The following WWOX variants were observed in gnomAD, a reference collection of about 807,000 sequenced individuals.
WWOX encodes the protein WW domain containing oxidoreductase.
In WWOX, 69 loss-of-function variants were observed where a neutral mutation model predicts 46.2. The ratio of observed to expected loss-of-function variants is 1.49; its 90% CI spans 1.23 to 1.82. WWOX has a LOEUF of 1.82. Among genes scored for constraint, WWOX ranks in the 40% most tolerant of loss-of-function variants. The pLI, the probability that WWOX is intolerant of heterozygous loss-of-function variation, is 0.00. For synonymous variants in WWOX, 359 were observed against 202.6 expected (o/e 1.77, Z -6.56); for missense variants, 919 against 542.6 (o/e 1.69, Z -6.89).
chr16:78,822,172 A>G (rs1192679434), intron 8 of WWOX, among the ~76,000 whole-genome samples: 1 of 151,866 alleles, frequency 6.6e-6, no homozygotes, highest in Non-Finnish European at 1.5e-5. Context: ...CACCATGCCC[A>G]GCCTTAAATA....
At chr16:78,587,724 C>T (rs2045249738) in intron 8 of WWOX, among the ~76,000 whole-genome samples, 1 of 152,038 alleles carries the variant, frequency 6.6e-6, no homozygotes, top group African/African-American at 2.4e-5. Flanking sequence ...CTTCACCTTG[C>T]TTTTTGTGGA....
chr16:78,889,902 A>T (rs2044550840), intron 8 of WWOX, among the ~76,000 whole-genome samples: 1 of 152,146 alleles, frequency 6.6e-6, no homozygotes, highest in African/African-American at 2.4e-5. Context: ...GTAAACTCCC[A>T]CTGTTTATAA....
At chr16:78,754,339 G>C (rs145744833) in intron 8 of WWOX, among the ~76,000 whole-genome samples, 27 of 152,250 alleles carry the variant, frequency 1.8e-4, no homozygotes, top group African/African-American at 6.5e-4. Context: ...CCTAAGGTCA[G>C]TGTGCAAGTT....
At chr16:78,957,908 T>G (rs1009725079) in intron 8 of WWOX, among the ~76,000 whole-genome samples, 2 of 152,226 alleles carry the variant, frequency 1.3e-5, no homozygotes, top group Non-Finnish European at 2.9e-5. Context: ...CCCTTTCTTT[T>G]GTTTGTGCAA....
intron 8 of WWOX, among the ~76,000 whole-genome samples, chr16:78,869,723 G>A (rs2044085262): frequency 6.6e-6 from 1 of 152,230 alleles, no homozygotes; most frequent in African/African-American, 2.4e-5. Context: ...AAGAGCTGCT[G>A]AGTTGTAGAT....
At chr16:79,160,568 G>T (rs2050465859) in intron 8 of WWOX, among the ~76,000 whole-genome samples, 1 of 152,146 alleles carries the variant, frequency 6.6e-6, no homozygotes, top group Non-Finnish European at 1.5e-5. Context: ...TGAAGTGGAG[G>T]CATTATGGAT....
intron 8 of WWOX, among the ~76,000 whole-genome samples, chr16:78,684,654 C>A (rs933172845): frequency 5.9e-5 from 9 of 152,162 alleles, no homozygotes; most frequent in Non-Finnish European, 1.0e-4. Flanking sequence ...AAGGACTCTG[C>A]CCTCATGGAT....
intron 8 of WWOX, among the ~76,000 whole-genome samples, chr16:78,894,107 T>C (rs1435519775): frequency 6.6e-6 from 1 of 151,220 alleles, no homozygotes; most frequent in Non-Finnish European, 1.5e-5. Flanking sequence ...AGTGTAGTCA[T>C]GGCTCACTGC....
intron 8 of WWOX, among the ~76,000 whole-genome samples, chr16:78,773,141 G>A (rs867965922): frequency 6.6e-6 from 1 of 152,178 alleles, no homozygotes; most frequent in Non-Finnish European, 1.5e-5. Context: ...GAGGGCAGGG[G>A]ACTTTGACGA....
At chr16:78,212,604 T>A (rs2036592226) in intron 5 of WWOX, among the ~76,000 whole-genome samples, 1 of 152,172 alleles carries the variant, frequency 6.6e-6, no homozygotes, top group African/African-American at 2.4e-5. Context: ...TGAGAAACAT[T>A]TTCTTGTTCT....
At chr16:79,150,853 C>T (rs528186271) in intron 8 of WWOX, among the ~76,000 whole-genome samples, 1 of 152,204 alleles carries the variant, frequency 6.6e-6, no homozygotes, top group South Asian at 2.1e-4. Flanking sequence ...ATTGCGTAGG[C>T]CACTTGGAGT....
intron 8 of WWOX, among the ~76,000 whole-genome samples, chr16:78,689,341 A>G (rs1567492645): frequency 1.3e-5 from 2 of 152,074 alleles, no homozygotes; most frequent in Admixed American, 1.3e-4. Flanking sequence ...CTCTCTAAAC[A>G]CCCCAGACAT....
At chr16:78,764,313 G>A (rs1301799113) in intron 8 of WWOX, among the ~76,000 whole-genome samples, 1 of 151,634 alleles carries the variant, frequency 6.6e-6, no homozygotes, top group Non-Finnish European at 1.5e-5. Context: ...TGGCCTTTTG[G>A]TCAGCATTGC....
intron 4 of WWOX, among the ~76,000 whole-genome samples, chr16:78,134,932 C>T (rs1461850578): frequency 6.6e-6 from 1 of 152,158 alleles, no homozygotes; most frequent in Non-Finnish European, 1.5e-5. Context: ...TTCACTGAAG[C>T]CTGGGGACAT....
chr16:78,645,292 C>T (rs111928366), intron 8 of WWOX, among the ~76,000 whole-genome samples: 3 of 152,142 alleles, frequency 2.0e-5, no homozygotes, highest in African/African-American at 4.8e-5. Context: ...CCATCCTGAC[C>T]ATCTGTGTTT....
intron 8 of WWOX, among the ~76,000 whole-genome samples, chr16:78,660,136 C>G (rs1401300052): frequency 6.6e-6 from 1 of 152,160 alleles, no homozygotes; most frequent in Non-Finnish European, 1.5e-5. Flanking sequence ...TTCAGAGGGC[C>G]TTTCCCATCT....
At chr16:78,362,911 A>G (rs753138148) in intron 5 of WWOX, among the ~76,000 whole-genome samples, 1 of 152,284 alleles carries the variant, frequency 6.6e-6, no homozygotes, top group African/African-American at 2.4e-5. Flanking sequence ...TGGTGTCAGA[A>G]TGTTATCCTG....
chr16:78,943,571 G>A (rs896650161), intron 8 of WWOX, among the ~76,000 whole-genome samples: 1 of 152,132 alleles, frequency 6.6e-6, no homozygotes, highest in African/African-American at 2.4e-5. Context: ...CATCACCATT[G>A]ATCAGTCCTG....
intron 8 of WWOX, among the ~76,000 whole-genome samples, chr16:78,450,570 T>C (rs2083667780): frequency 6.6e-6 from 1 of 152,220 alleles, no homozygotes; most frequent in Non-Finnish European, 1.5e-5. Context: ...TTCTTAGTAT[T>C]CTCACTCTTT....
Sources: allele counts gnomAD v4.1 joint callset (sites outside exome capture counted in the v4.1 genomes callset), GRCh38; gene constraint gnomAD v4.1.1; transcripts MANE v1.5; gene names NCBI Gene and HGNC (gene_info 2026-07-23, HGNC 2026-07-21).